The following RAPGEF2 variants were observed in gnomAD, a reference collection of about 807,000 sequenced individuals.
RAPGEF2 encodes Rap guanine nucleotide exchange factor 2.
A neutral mutation model predicts 186.7 loss-of-function variants in RAPGEF2; 54 were observed. That is an observed-to-expected ratio of 0.29 (90% CI 0.23 to 0.36). The LOEUF is 0.36. RAPGEF2 is among the 10% of genes least tolerant of loss of function. The pLI, the probability that RAPGEF2 is intolerant of heterozygous loss-of-function variation, is 1.00. For missense variants in RAPGEF2, 1,532 were observed against 2,045.0 expected (o/e 0.75, Z 4.84); for synonymous variants, 712 against 705.9 (o/e 1.01, Z -0.14).
At chr4:159,150,640 A>C (rs966211652) in intron 1 of RAPGEF2, among the ~76,000 whole-genome samples, 16 of 152,226 alleles carry the variant, frequency 1.1e-4, no homozygotes, top group Admixed American at 3.9e-4. Flanking sequence ...CCACTTGCTC[A>C]GCCCCAGCTG....
chr4:159,319,657 A>C (rs1351578856), intron 9 of RAPGEF2, among the ~76,000 whole-genome samples: 1 of 152,126 alleles, frequency 6.6e-6, no homozygotes, highest in Admixed American at 6.5e-5. Context: ...TTTAGCATTT[A>C]TGTATTTCTG....
intron 1 of RAPGEF2, among the ~76,000 whole-genome samples, chr4:159,182,950 G>A (rs1475668941): frequency 2.0e-5 from 3 of 152,326 alleles, no homozygotes; most frequent in Middle Eastern, 3.4e-3. Flanking sequence ...GACATCACAT[G>A]TTATGGATCA....
chr4:159,319,783 G>A (rs1765021615), intron 9 of RAPGEF2, among the ~76,000 whole-genome samples: 1 of 149,260 alleles, frequency 6.7e-6, no homozygotes, highest in Non-Finnish European at 1.5e-5. Flanking sequence ...TTTTTTTAAT[G>A]CTAGCCGCTA....
intron 4 of RAPGEF2, among the ~76,000 whole-genome samples, chr4:159,232,044 T>A (rs1752699619): frequency 2.0e-5 from 3 of 152,218 alleles, no homozygotes; most frequent in Non-Finnish European, 2.9e-5. Context: ...CTTATTCAAG[T>A]CCCAGATTTT....
chr4:159,200,244 G>A (rs1372494286), intron 3 of RAPGEF2, among the ~76,000 whole-genome samples: 1 of 152,080 alleles, frequency 6.6e-6, no homozygotes, highest in African/African-American at 2.4e-5. Context: ...GAGGTGGGTG[G>A]ATCGCTTGAG....
At chr4:159,271,339 T>C (rs1327193551) in intron 7 of RAPGEF2, among the ~76,000 whole-genome samples, 1 of 152,196 alleles carries the variant, frequency 6.6e-6, no homozygotes, top group Non-Finnish European at 1.5e-5. Context: ...TTATGTAGTG[T>C]GCTATACTTA....
chr4:159,170,302 A>G (rs1450673583), intron 1 of RAPGEF2, among the ~76,000 whole-genome samples: 1 of 152,076 alleles, frequency 6.6e-6, no homozygotes, highest in Non-Finnish European at 1.5e-5. Flanking sequence ...TTTGTATATT[A>G]ACCCCCTATC....
intron 7 of RAPGEF2, among the ~76,000 whole-genome samples, chr4:159,276,220 G>A (rs1180366523): frequency 1.3e-5 from 2 of 152,108 alleles, no homozygotes; most frequent in Admixed American, 1.3e-4. Flanking sequence ...GTAAATTTAT[G>A]CCCCAGGTTT....
At chr4:159,253,884 C>T (rs555523045) in intron 7 of RAPGEF2, among the ~76,000 whole-genome samples, 3 of 152,100 alleles carry the variant, frequency 2.0e-5, no homozygotes, top group South Asian at 2.1e-4. Flanking sequence ...AGGAGAATGG[C>T]GTGAACCCAG....
In RAPGEF2 at chr4:159,339,245, G is replaced by T; in HGVS notation, c.2425G>T (p.Asp809Tyr). 1 of 1,614,062 alleles carries T rather than the reference G, an allele frequency of 6.2e-7. No individual in the cohort carries two copies. Among genetic ancestry groups the T allele is most frequent in the Admixed American group, 1.7e-5 (1 of 60,016 alleles). Reference protein sequence around the residue: ...IREFAVTATPDQYSLCEVSVT... With the variant: ...IREFAVTATPYQYSLCEVSVT... The stretch of plus-strand genomic sequence containing the variant: ...GGAGTTTGCTGTTACTGCCACCCCG[G>T]ATCAATATTCACTATGTGAGGTCTC... Residue 809 changes from aspartate (D) to tyrosine (Y), a missense_variant, in exon 19 of 30, where the codon GAT becomes TAT. Asp to Tyr is a radical substitution (Grantham distance 160). Coordinates refer to ENST00000691494, the MANE Select transcript of RAPGEF2 (RefSeq NM_001394067.2).
At chr4:159,190,082 C>G (rs1435822161) in intron 2 of RAPGEF2, among the ~76,000 whole-genome samples, 1 of 152,144 alleles carries the variant, frequency 6.6e-6, no homozygotes, top group African/African-American at 2.4e-5. Context: ...AAGATTTCTT[C>G]AGTGTAGAGG....
At chr4:159,139,458 A>G (rs1742078845) in intron 1 of RAPGEF2, among the ~76,000 whole-genome samples, 1 of 152,186 alleles carries the variant, frequency 6.6e-6, no homozygotes, top group Admixed American at 6.5e-5. Flanking sequence ...AATGTAAGAC[A>G]CACATTTAAA....
intron 1 of RAPGEF2, among the ~76,000 whole-genome samples, chr4:159,138,141 A>T (rs1395099919): frequency 6.6e-6 from 1 of 152,178 alleles, no homozygotes; most frequent in Non-Finnish European, 1.5e-5. Flanking sequence ...GATGAGAGGT[A>T]TCTCCATAGA....
At chr4:159,146,294 A>G (rs1039486684) in intron 1 of RAPGEF2, among the ~76,000 whole-genome samples, 1 of 152,140 alleles carries the variant, frequency 6.6e-6, no homozygotes, top group Admixed American at 6.5e-5. Flanking sequence ...CTTTTGGTTT[A>G]ATAAATTATG....
At chr4:159,329,019 C>T (rs1157347691) in intron 11 of RAPGEF2, 1 of 152,056 alleles carries the variant, frequency 6.6e-6, no homozygotes, top group Non-Finnish European at 1.5e-5. Flanking sequence ...CCTCCTTTTT[C>T]ATCTTCTTCA....
chr4:159,117,219 C>G (rs765863053), intron 1 of RAPGEF2, among the ~76,000 whole-genome samples: 2 of 152,110 alleles, frequency 1.3e-5, no homozygotes, highest in Non-Finnish European at 2.9e-5. Flanking sequence ...TTCAATGTTT[C>G]TAATCTTCAT....
intron 3 of RAPGEF2, among the ~76,000 whole-genome samples, chr4:159,195,904 T>C (rs201184748): frequency 0.3 from 38,686 of 128,696 alleles, 5,979 homozygotes; most frequent in Non-Finnish European, 0.34. Context: ...TTTTTTTTTT[T>C]CCCCAAGTAG....
At chr4:159,225,441 A>T (rs1751935725) in intron 4 of RAPGEF2, among the ~76,000 whole-genome samples, 1 of 152,210 alleles carries the variant, frequency 6.6e-6, no homozygotes. Context: ...GCTTCTACGA[A>T]TATTCACGAA....
At chr4:159,307,730 G>GC (rs1326968456) in intron 8 of RAPGEF2, among the ~76,000 whole-genome samples, 3 of 152,126 alleles carry the variant, frequency 2.0e-5, no homozygotes, top group Non-Finnish European at 4.4e-5. Flanking sequence ...CCAGCATTTT[G>GC]GGGGGCCAAG....
Sources: allele counts gnomAD v4.1 joint callset (sites outside exome capture counted in the v4.1 genomes callset), GRCh38; gene constraint gnomAD v4.1.1; transcripts MANE v1.5; gene names NCBI Gene and HGNC (gene_info 2026-07-23, HGNC 2026-07-21).